CRACD: variants seen among roughly 807,000 people sequenced by gnomAD.
CRACD encodes the protein capping protein-inhibiting regulator of actin dynamics.
In CRACD, 56 loss-of-function variants were observed where a neutral mutation model predicts 106.8. The ratio of observed to expected loss-of-function variants is 0.52; its 90% CI spans 0.42 to 0.66. The LOEUF is 0.66. Ranked by LOEUF, CRACD falls within the 30% of genes least tolerant of loss-of-function variation. CRACD has a pLI of 0.00. For synonymous variants in CRACD, 754 were observed against 670.8 expected, an observed-to-expected ratio of 1.12 and a Z score of -1.92; for missense variants, 1,730 against 1,623.2, an observed-to-expected ratio of 1.07 and a Z score of -1.13.
At chr4:56,310,329 A>G (rs1745056745) in intron 5 of CRACD, among the ~76,000 whole-genome samples, 1 of 152,134 alleles carries the variant, frequency 6.6e-6, no homozygotes, top group African/African-American at 2.4e-5. Context: ...GAGGCCATGT[A>G]TGAGACACAG....
chr4:56,136,215 A>G (rs186749097), intron 1 of CRACD, among the ~76,000 whole-genome samples: 3 of 152,342 alleles, frequency 2.0e-5, no homozygotes, highest in East Asian at 1.9e-4. Flanking sequence ...TAAAGTTGCC[A>G]TAAACATTCA....
chr4:56,178,783 A>G (rs1736691978), intron 1 of CRACD, among the ~76,000 whole-genome samples: 1 of 152,112 alleles, frequency 6.6e-6, no homozygotes. Flanking sequence ...CATTCATTAC[A>G]TCCTGGTTTT....
chr4:56,308,275 T>G (rs1744883100), intron 5 of CRACD, among the ~76,000 whole-genome samples: 1 of 151,988 alleles, frequency 6.6e-6, no homozygotes, highest in African/African-American at 2.4e-5. Flanking sequence ...GAAGAGTACC[T>G]AGTCTGGAAA....
rs139034609 is a variant in CRACD at position 56,241,314 on chromosome 4, C to CAGTG, written c.-188-31006_-188-31003dup. On this transcript the variant is annotated intron_variant, in intron 2 of 10. Coordinates refer to ENST00000682029, the MANE Select transcript of CRACD (RefSeq NM_001393381.1). ...TACATCTTTTTATCTGACCATCAAT[C>CAGTG]AGTGGTTCAGTTCTCCAAGATAAAC... 6.3e-3 allele frequency among the ~76,000 whole-genome samples: 954 copies of CAGTG among 152,166 alleles called. 5 individuals carry two copies. The highest frequency in any genetic ancestry group is 0.021 in the African/African-American group (887 of 41,506).
At chr4:56,307,259 C>T (rs978893337) in intron 4 of CRACD, among the ~76,000 whole-genome samples, 1 of 151,888 alleles carries the variant, frequency 6.6e-6, no homozygotes, top group African/African-American at 2.4e-5. Flanking sequence ...GCCACCATGC[C>T]CACTGGGAAA....
Position 56,176,431 on chromosome 4 carries a change from C to CTTTTT in CRACD, c.-335-2842_-335-2838dup, listed in dbSNP as rs3036818. Among the ~76,000 whole-genome samples, 374 of 137,200 alleles carry CTTTTT rather than the reference C, an allele frequency of 2.7e-3. 9 individuals carry two copies. Among genetic ancestry groups the CTTTTT allele is most frequent in the African/African-American group, 9.2e-3 (337 of 36,750 alleles). The allele number at this position is 137,200 out of a possible 152,430, so 90.0% of individuals were successfully genotyped here. On this transcript the variant is annotated intron_variant, in intron 1 of 10. Transcript: ENST00000682029. ...TGAGCATGGAATATCCTTCCAATTT[C>CTTTTT]TTTTTTTTTTTTTTTGAGATGGAGA...
chr4:56,177,120 C>T (rs2109430714), intron 1 of CRACD, among the ~76,000 whole-genome samples: 1 of 152,290 alleles, frequency 6.6e-6, no homozygotes, highest in Middle Eastern at 3.4e-3. Flanking sequence ...TGAAACTGGG[C>T]ATCCCTGTCT....
At chr4:56,297,501 C>T (rs145918789) in intron 3 of CRACD, among the ~76,000 whole-genome samples, 1 of 152,240 alleles carries the variant, frequency 6.6e-6, no homozygotes, top group African/African-American at 2.4e-5. Context: ...ATCACTTGAG[C>T]CCAGGAGTTT....
chr4:56,074,706 G>A (rs1407715716), intron 1 of CRACD, among the ~76,000 whole-genome samples: 2 of 152,090 alleles, frequency 1.3e-5, no homozygotes, highest in Admixed American at 1.3e-4. Context: ...TGCCGTGGCT[G>A]GAACTTCAAT....
intron 1 of CRACD, among the ~76,000 whole-genome samples, chr4:56,141,288 G>T (rs753723097): frequency 2.6e-5 from 4 of 152,158 alleles, no homozygotes; most frequent in Non-Finnish European, 4.4e-5. Context: ...CAAGCTGATG[G>T]GAAGGATTGA....
intron 2 of CRACD, among the ~76,000 whole-genome samples, chr4:56,264,065 G>A (rs28373585): frequency 0.25 from 38,619 of 152,044 alleles, 5,057 homozygotes; most frequent in Non-Finnish European, 0.27. Context: ...AAGGCAAAGG[G>A]GAAGCAGGCA....
At chr4:56,233,767 G>T (rs1156820742) in intron 2 of CRACD, among the ~76,000 whole-genome samples, 1 of 152,114 alleles carries the variant, frequency 6.6e-6, no homozygotes, top group Non-Finnish European at 1.5e-5. Context: ...GGATTGTGTT[G>T]AATCTATAAG....
intron 1 of CRACD, among the ~76,000 whole-genome samples, chr4:56,130,873 A>G (rs11942528): frequency 0.29 from 43,768 of 151,542 alleles, 6,555 homozygotes; most frequent in East Asian, 0.46. Flanking sequence ...CCACCTCTCC[A>G]TCTCCCTCTC....
intron 2 of CRACD, among the ~76,000 whole-genome samples, chr4:56,263,004 C>T (rs938390744): frequency 7.2e-5 from 11 of 152,128 alleles, no homozygotes; most frequent in African/African-American, 2.4e-4. Context: ...TCAGGCATCA[C>T]GATGGGTGTT....
intron 2 of CRACD, among the ~76,000 whole-genome samples, chr4:56,270,691 G>A (rs924580795): frequency 6.6e-6 from 1 of 151,988 alleles, no homozygotes; most frequent in Non-Finnish European, 1.5e-5. Flanking sequence ...CTGTAAAATG[G>A]GCATGTTAAT....
chr4:56,217,150 C>G (rs567872929), intron 2 of CRACD, among the ~76,000 whole-genome samples: 3 of 152,036 alleles, frequency 2.0e-5, no homozygotes, highest in Non-Finnish European at 2.9e-5. Context: ...ATCAGATGTC[C>G]GAGTTTCCTA....
At chr4:56,230,527 C>G (rs889638619) in intron 2 of CRACD, among the ~76,000 whole-genome samples, 6 of 152,162 alleles carry the variant, frequency 3.9e-5, no homozygotes, top group Admixed American at 1.3e-4. Context: ...AGGTCTAGTT[C>G]TGCGCTAACT....
intron 8 of CRACD, among the ~76,000 whole-genome samples, chr4:56,318,352 TCAG>T (rs1267577837): frequency 6.6e-6 from 1 of 152,144 alleles, no homozygotes; most frequent in Non-Finnish European, 1.5e-5. Flanking sequence ...GACATGTTCA[TCAG>T]CAGTTTCTAG....
chr4:56,214,178 C>T (rs1738540472), intron 2 of CRACD, among the ~76,000 whole-genome samples: 1 of 152,146 alleles, frequency 6.6e-6, no homozygotes, highest in Non-Finnish European at 1.5e-5. Flanking sequence ...TGGTGAGGGC[C>T]TGCTTCCTTG....
Sources: allele counts gnomAD v4.1 joint callset (sites outside exome capture counted in the v4.1 genomes callset), GRCh38; gene constraint gnomAD v4.1.1; transcripts MANE v1.5; gene names NCBI Gene and HGNC (gene_info 2026-07-23, HGNC 2026-07-21).